The following PPP4R1 variants were observed in gnomAD, a reference collection of about 807,000 sequenced individuals.
The protein encoded by PPP4R1 is protein phosphatase 4 regulatory subunit 1.
PPP4R1 carries 42 observed loss-of-function variants against 111.2 expected under a neutral mutation model. The ratio of observed to expected loss-of-function variants is 0.38; its 90% CI spans 0.29 to 0.49. PPP4R1 has a LOEUF of 0.49. Among genes scored for constraint, PPP4R1 ranks in the 20% least tolerant of loss-of-function variants. PPP4R1 has a pLI of 0.97. For synonymous variants in PPP4R1, 409 were observed against 405.5 expected (o/e 1.01, Z -0.10); for missense variants, 1,012 against 1,161.6 (o/e 0.87, Z 1.87).
chr18:9,550,586 T>TA (rs2066473341), intron 16 of PPP4R1, 188 bp from the exon 17 acceptor site: 3 of 636,286 alleles, frequency 4.7e-6, no homozygotes. Flanking sequence ...GAAATGCACT[T>TA]ACATGCTATT....
intron 2 of PPP4R1, among the ~76,000 whole-genome samples, chr18:9,609,386 G>A (rs62088906): frequency 0.17 from 25,092 of 151,930 alleles, 2,889 homozygotes; most frequent in African/African-American, 0.33. Flanking sequence ...ACCTCCCACC[G>A]GAAGCAAGGA....
At chr18:9,610,470 C>T (rs1243661899) in intron 2 of PPP4R1, among the ~76,000 whole-genome samples, 2 of 148,004 alleles carry the variant, frequency 1.4e-5, no homozygotes, top group Admixed American at 6.8e-5. Context: ...TTCTCCTAAA[C>T]TTTTTTTTTT....
chr18:9,578,232 A>G (rs2066969166), intron 9 of PPP4R1, among the ~76,000 whole-genome samples: 1 of 152,182 alleles, frequency 6.6e-6, no homozygotes, highest in South Asian at 2.1e-4. Flanking sequence ...ATTTCCCTGA[A>G]GTTTAGCATT....
At chr18:9,614,853 C>A (rs2067665941), upstream of PPP4R1, 1 of 150,074 alleles carries the variant, frequency 6.7e-6, no homozygotes, top group South Asian at 2.1e-4. The surrounding 1 kb of genome is among the most constrained non-coding windows in gnomAD (Gnocchi z 4.1). Context: ...CGCAACCTGC[C>A]GCCGGCCGGG....
intron 17 of PPP4R1, 30 bp downstream of exon 17, chr18:9,550,248 G>C: frequency 2.5e-6 from 4 of 1,613,752 alleles, no homozygotes; most frequent in South Asian, 1.1e-5. Context: ...AGAGTTTGCT[G>C]ATCTAAAATT....
chr18:9,573,610 T>G (rs2066894969), intron 10 of PPP4R1, among the ~76,000 whole-genome samples: 1 of 152,316 alleles, frequency 6.6e-6, no homozygotes, highest in East Asian at 1.9e-4. Flanking sequence ...TTTATTGTTT[T>G]TTTAAGAGAC....
rs2066846075 is a variant in PPP4R1 at position 9,570,593 on chromosome 18, C to T, written c.1137G>A (p.Leu379=). Residue 379 remains leucine, a synonymous_variant, in exon 11 of 20, where the codon CTG becomes CTA. Transcript: ENST00000400556. ...DLSVSNSSVI[L]ENTMEDHAAE... ...CAGCATGGTCTTCCATCGTGTTTTC[C>T]AGTATGACACTGGAATTACTAACAC... 1 of 1,614,120 alleles carries T rather than the reference C, an allele frequency of 6.2e-7. No individual in the cohort carries two copies. The highest frequency in any genetic ancestry group is 1.7e-5 in the Admixed American group (1 of 60,006).
At chr18:9,558,744 G>C (rs2066627374) in intron 14 of PPP4R1, among the ~76,000 whole-genome samples, 1 of 149,738 alleles carries the variant, frequency 6.7e-6, no homozygotes, top group Non-Finnish European at 1.5e-5. Flanking sequence ...TTCACTGAAG[G>C]AACAGGTGTG....
upstream of PPP4R1, among the ~76,000 whole-genome samples, chr18:9,616,564 A>G (rs2067690605): frequency 6.6e-6 from 1 of 152,166 alleles, no homozygotes; most frequent in Non-Finnish European, 1.5e-5. Context: ...GTGAGCCACC[A>G]AACCCGGCCC....
intron 2 of PPP4R1, among the ~76,000 whole-genome samples, chr18:9,601,646 C>T (rs542524955): frequency 6.6e-6 from 1 of 152,296 alleles, no homozygotes; most frequent in African/African-American, 2.4e-5. Flanking sequence ...GCAGGCGCCA[C>T]AACACCTGGC....
intron 2 of PPP4R1, among the ~76,000 whole-genome samples, chr18:9,600,974 T>C (rs2067372229): frequency 6.6e-6 from 1 of 152,202 alleles, no homozygotes; most frequent in Non-Finnish European, 1.5e-5. Context: ...GAGACATTAG[T>C]ACTTCAAGAC....
At chr18:9,571,341 A>G (rs1167808590) in intron 10 of PPP4R1, among the ~76,000 whole-genome samples, 1 of 152,248 alleles carries the variant, frequency 6.6e-6, no homozygotes, top group Admixed American at 6.5e-5. Flanking sequence ...AAATTCATTA[A>G]AGTCCACTGA....
At chr18:9,558,714 T>TA (rs1568089011) in intron 14 of PPP4R1, among the ~76,000 whole-genome samples, 166 of 150,810 alleles carry the variant, frequency 1.1e-3, no homozygotes, top group Middle Eastern at 3.4e-3. Flanking sequence ...TTTTTTTTTT[T>TA]AAATAACTGA....
At position 9,584,760 on chromosome 18, in the gene PPP4R1, A is replaced by T. The variant is rs767985345; in HGVS notation, c.654T>A (p.Cys218Ter). 4 of 1,613,764 alleles carry T rather than the reference A, an allele frequency of 2.5e-6. No individual in the cohort carries two copies. The change falls in exon 7 of 20, where the codon TGT (cysteine) becomes TGA (stop). Residue 218 changes from cysteine (C) to a stop codon, truncating the protein, a stop_gained. Coordinates refer to ENST00000400556, the MANE Select transcript of PPP4R1 (RefSeq NM_001042388.3). LOFTEE classifies it high-confidence loss of function. The stretch of plus-strand genomic sequence containing the variant: ...ACATTCTGCAATCGCAGCACATCTC[A>T]CAAAACCTAGGGAGGATAAGACGCT... ...ITERLILPRF[C>*]EMCCDCRMFH...
In PPP4R1 at chr18:9,610,470, CT is replaced by C. The variant is rs925420312; in HGVS notation, c.52+3755del. Among the ~76,000 whole-genome samples, 128 of 147,924 alleles carry C rather than the reference CT, an allele frequency of 8.7e-4. 1 individual carries two copies. The highest frequency in any genetic ancestry group is 2.8e-3 in the East Asian group (14 of 5,078). On this transcript the variant is annotated intron_variant, in intron 2 of 19. Coordinates refer to ENST00000400556, the MANE Select transcript of PPP4R1 (RefSeq NM_001042388.3). Reference sequence around the variant, plus strand: ...GTTTTTATTGCATTATTCTCCTAAACTTTTTTTTTTTGAGACGGAGTCTTGC... The same window carrying C: ...GTTTTTATTGCATTATTCTCCTAAACTTTTTTTTTTGAGACGGAGTCTTGC...
rs200606701 is a variant in PPP4R1, at chr18:9,597,726, AC to A, written c.53-2574del. Among the ~76,000 whole-genome samples the A allele has an allele frequency of 8.3e-3, 1,257 of 152,314 alleles. 19 individuals are homozygous for A. Among genetic ancestry groups the A allele is most frequent in the African/African-American group, 0.029 (1,186 of 41,564 alleles). On this transcript the variant is annotated intron_variant, in intron 2 of 19. Coordinates refer to ENST00000400556, the MANE Select transcript of PPP4R1 (RefSeq NM_001042388.3). Reference sequence around the variant, plus strand: ...TATCTCCAAGAAACTGTGTCACAGAACAAAACTCGAGTATGTAAATGAATAT... The same window carrying A: ...TATCTCCAAGAAACTGTGTCACAGAAAAAACTCGAGTATGTAAATGAATAT...
intron 10 of PPP4R1, among the ~76,000 whole-genome samples, chr18:9,575,020 C>T (rs1447827771): frequency 1.3e-5 from 2 of 152,090 alleles, no homozygotes; most frequent in African/African-American, 2.4e-5. Flanking sequence ...ACAGCCTGAT[C>T]CAGGGTGAGT....
At chr18:9,559,672 T>C (rs759092206) in intron 13 of PPP4R1, 68 bp from the exon 14 acceptor site, 205 of 1,207,756 alleles carry the variant, frequency 1.7e-4, no homozygotes, top group Non-Finnish European at 2.1e-4. Flanking sequence ...TAGACATAAA[T>C]TGGGCAAAAT....
chr18:9,575,326 C>T (rs1227670368), intron 10 of PPP4R1, among the ~76,000 whole-genome samples: 1 of 152,178 alleles, frequency 6.6e-6, no homozygotes, highest in Non-Finnish European at 1.5e-5. Context: ...AATACCACAA[C>T]AGTTTAAGAC....
Sources: gnomAD v4.1 joint callset for allele counts (sites outside exome capture counted in the v4.1 genomes callset) on GRCh38, gnomAD v4.1.1 for gene constraint, Gnocchi (gnomAD v3.1) non-coding constraint, MANE v1.5 for transcripts, NCBI Gene and HGNC (gene_info 2026-07-23, HGNC 2026-07-21) for gene names.